Variants in PCDH15 observed in about 807,000 individuals in gnomAD.
The protein encoded by PCDH15 is protocadherin-15.
Under a neutral mutation model 178.5 loss-of-function variants are expected in PCDH15, and 129 were observed. The ratio of observed to expected loss-of-function variants is 0.72; its 90% CI spans 0.63 to 0.84. PCDH15 has a LOEUF of 0.84. Ranked by LOEUF, PCDH15 falls within the 40% of genes least tolerant of loss-of-function variation. The pLI, the probability that PCDH15 is intolerant of heterozygous loss-of-function variation, is 0.00. For missense variants in PCDH15, 2,230 were observed against 2,099.9 expected (o/e 1.06, Z -1.21); for synonymous variants, 800 against 732.0 (o/e 1.09, Z -1.50).
intron 28 of PCDH15, among the ~76,000 whole-genome samples, chr10:53,856,162 C>G (rs1039571680): frequency 6.6e-6 from 1 of 151,022 alleles, no homozygotes; most frequent in African/African-American, 2.4e-5. Flanking sequence ...AAAGACTGTA[C>G]GTTGGGTACA....
chr10:55,091,337 A>G (rs1842311994), intron 2 of PCDH15, among the ~76,000 whole-genome samples: 1 of 152,002 alleles, frequency 6.6e-6, no homozygotes, highest in Admixed American at 6.6e-5. Flanking sequence ...CATTAAAGCG[A>G]ACTATGGCAA....
intron 2 of PCDH15, among the ~76,000 whole-genome samples, chr10:55,140,617 T>C (rs1838324637): frequency 6.6e-6 from 1 of 151,978 alleles, no homozygotes; most frequent in Non-Finnish European, 1.5e-5. Context: ...ATCAGAGAAA[T>C]ACTAGCTTAT....
At chr10:55,067,960 T>C (rs1388676276) in intron 2 of PCDH15, among the ~76,000 whole-genome samples, 1 of 152,056 alleles carries the variant, frequency 6.6e-6, no homozygotes, top group African/African-American at 2.4e-5. Flanking sequence ...TGTTGACTTG[T>C]TTGAATTTCT....
chr10:54,658,646 A>C (rs1370181757), intron 2 of PCDH15, among the ~76,000 whole-genome samples: 1 of 152,192 alleles, frequency 6.6e-6, no homozygotes, highest in Non-Finnish European at 1.5e-5. Flanking sequence ...AAGGACTTCT[A>C]AACATGCAAA....
chr10:55,104,700 A>AAGCT (rs1842637524), intron 2 of PCDH15, among the ~76,000 whole-genome samples: 1 of 152,166 alleles, frequency 6.6e-6, no homozygotes, highest in African/African-American at 2.4e-5. Context: ...ACTGTACCTC[A>AAGCT]ATTTACAGTA....
At chr10:54,749,593 T>C (rs1384531733) in intron 1 of PCDH15, among the ~76,000 whole-genome samples, 1 of 152,152 alleles carries the variant, frequency 6.6e-6, no homozygotes, top group Non-Finnish European at 1.5e-5. Context: ...TTTTTAGATA[T>C]GAACTAAAAT....
At chr10:54,379,243 G>A (rs1948874627) in intron 3 of PCDH15, among the ~76,000 whole-genome samples, 1 of 151,996 alleles carries the variant, frequency 6.6e-6, no homozygotes. Flanking sequence ...CTTCTCACAG[G>A]AGTTATCACT....
At chr10:55,057,297 G>C (rs1222818820) in intron 2 of PCDH15, among the ~76,000 whole-genome samples, 1 of 151,844 alleles carries the variant, frequency 6.6e-6, no homozygotes, top group African/African-American at 2.4e-5. Context: ...GGTATTCCAT[G>C]CAATTGTTAA....
chr10:53,875,615 A>G (rs964043008), intron 26 of PCDH15, among the ~76,000 whole-genome samples: 2 of 147,990 alleles, frequency 1.4e-5, no homozygotes, highest in African/African-American at 5.1e-5. Flanking sequence ...TGAACAAAAT[A>G]AAAAAAAAAG....
At chr10:55,490,018 C>T (rs1190188314) in intron 2 of PCDH15, among the ~76,000 whole-genome samples, 2 of 151,626 alleles carry the variant, frequency 1.3e-5, no homozygotes, top group Admixed American at 1.3e-4. Flanking sequence ...TGTTATAAAA[C>T]TTGTCCACCC....
intron 1 of PCDH15, among the ~76,000 whole-genome samples, chr10:54,679,398 T>G (rs1231001254): frequency 6.6e-6 from 1 of 152,156 alleles, no homozygotes; most frequent in African/African-American, 2.4e-5. Context: ...TGTTTCATGT[T>G]AATTAAAGGG....
chr10:54,169,773 T>G (rs1255579313), intron 13 of PCDH15, among the ~76,000 whole-genome samples: 1 of 152,050 alleles, frequency 6.6e-6, no homozygotes, highest in Non-Finnish European at 1.5e-5. Flanking sequence ...TTTAAAAAGA[T>G]TAAAGCCTGT....
intron 2 of PCDH15, among the ~76,000 whole-genome samples, chr10:54,598,346 T>TA (rs1405221371): frequency 4.6e-5 from 7 of 152,042 alleles, no homozygotes; most frequent in African/African-American, 1.7e-4. Context: ...ATATGATTTA[T>TA]AAAATAAAGA....
At position 54,391,779 on chromosome 10, in the gene PCDH15, C is replaced by T. The variant is rs1347291820; in HGVS notation, c.158-12837G>A. Among the ~76,000 whole-genome samples, 3 of 152,166 alleles carry T rather than the reference C, an allele frequency of 2.0e-5. No individual in the cohort carries two copies. In the East Asian group the frequency reaches 5.8e-4, roughly 29 times the overall value. On this transcript the variant is annotated intron_variant, in intron 3 of 37. Coordinates refer to ENST00000644397, the MANE Select transcript of PCDH15 (RefSeq NM_001384140.1). ...GAATGTCAGATGGCTCAGGAGCCTT[C>T]TGATGCAATCCATGCATCTCTGAGA...
chr10:54,035,290 A>T (rs2093390199), intron 18 of PCDH15, among the ~76,000 whole-genome samples: 1 of 151,922 alleles, frequency 6.6e-6, no homozygotes, highest in South Asian at 2.1e-4. Flanking sequence ...TTTTTTACAA[A>T]TTGAAGGCTT....
intron 2 of PCDH15, among the ~76,000 whole-genome samples, chr10:55,144,024 AC>A (rs373512493): frequency 2.6e-5 from 4 of 151,882 alleles, no homozygotes; most frequent in South Asian, 2.1e-4. Flanking sequence ...GGGAAAAAAA[AC>A]ACACAACATA....
chr10:54,451,696 C>G (rs2076490380), intron 3 of PCDH15, among the ~76,000 whole-genome samples: 1 of 151,800 alleles, frequency 6.6e-6, no homozygotes, highest in Non-Finnish European at 1.5e-5. Context: ...TATTCCAACT[C>G]TAAAGTTTTA....
At chr10:54,419,857 G>T (rs1954994596) in intron 3 of PCDH15, among the ~76,000 whole-genome samples, 1 of 152,052 alleles carries the variant, frequency 6.6e-6, no homozygotes, top group Non-Finnish European at 1.5e-5. Flanking sequence ...AGCTTAGGAA[G>T]AACAAAAGGA....
At chr10:53,897,446 A>G (rs1044874541) in intron 26 of PCDH15, among the ~76,000 whole-genome samples, 2 of 152,226 alleles carry the variant, frequency 1.3e-5, no homozygotes, top group African/African-American at 4.8e-5. Context: ...ACATTTTATA[A>G]ATTAAAAATA....
Sources: gnomAD v4.1 joint callset for allele counts (sites outside exome capture counted in the v4.1 genomes callset) on GRCh38, gnomAD v4.1.1 for gene constraint, MANE v1.5 for transcripts, NCBI Gene and HGNC (gene_info 2026-07-23, HGNC 2026-07-21) for gene names.